Variants in IFI16 observed in about 807,000 individuals in gnomAD.
The protein encoded by IFI16 is interferon gamma inducible protein 16.
A neutral mutation model predicts 68.4 loss-of-function variants in IFI16; 49 were observed. The ratio of observed to expected loss-of-function variants is 0.72; its 90% confidence interval spans 0.57 to 0.91. The LOEUF is 0.91. IFI16 is among the 40% of genes least tolerant of loss of function. IFI16 has a pLI of 0.00. For synonymous variants in IFI16, 307 were observed against 315.0 expected (o/e 0.97, Z 0.27); for missense variants, 878 against 942.9 (o/e 0.93, Z 0.90).
chr1:159,044,658 A>G (rs1338799167), intron 7 of IFI16, among the ~76,000 whole-genome samples: 2 of 152,174 alleles, frequency 1.3e-5, no homozygotes, highest in African/African-American at 2.4e-5. Context: ...ATATTCCCCA[A>G]TTTTACTTGA....
At chr1:159,013,480 C>A (rs182672051) in intron 1 of IFI16, among the ~76,000 whole-genome samples, 46 of 152,010 alleles carry the variant, frequency 3.0e-4, no homozygotes, top group African/African-American at 1.1e-3. Context: ...ATTAATAGCC[C>A]CTGAAATTTA....
At chr1:159,027,222 G>A (rs1448030995) in intron 6 of IFI16, among the ~76,000 whole-genome samples, 1 of 152,016 alleles carries the variant, frequency 6.6e-6, no homozygotes, top group Non-Finnish European at 1.5e-5. Context: ...ATTGCTGAGG[G>A]TTTTAATCAT....
chr1:159,041,396 T>C (rs1654630782), intron 7 of IFI16, among the ~76,000 whole-genome samples: 1 of 152,144 alleles, frequency 6.6e-6, no homozygotes, highest in Non-Finnish European at 1.5e-5. Flanking sequence ...TAATCCTGAC[T>C]CTGGAACTGT....
intron 11 of IFI16, among the ~76,000 whole-genome samples, chr1:159,054,237 A>C (rs1655544200): frequency 6.6e-6 from 1 of 152,242 alleles, no homozygotes; most frequent in Non-Finnish European, 1.5e-5. Context: ...GGTTTACATC[A>C]GACAGAGGTA....
chr1:159,030,404 T>G (rs141031221), intron 6 of IFI16, among the ~76,000 whole-genome samples: 1 of 152,332 alleles, frequency 6.6e-6, no homozygotes, highest in Non-Finnish European at 1.5e-5. Context: ...GTTTTTCTTC[T>G]TCCTTCTCAT....
At chr1:159,036,538 T>G (rs181562175) in intron 7 of IFI16, among the ~76,000 whole-genome samples, 2 of 152,360 alleles carry the variant, frequency 1.3e-5, no homozygotes, top group East Asian at 3.9e-4. Flanking sequence ...GAGCATTTAA[T>G]GATCATATAC....
chr1:159,025,514 A>G (rs1424915178), intron 6 of IFI16, among the ~76,000 whole-genome samples: 1 of 151,958 alleles, frequency 6.6e-6, no homozygotes, highest in Admixed American at 6.6e-5. Context: ...ACTCATTTTA[A>G]TTTTTTATAT....
At chr1:159,016,090 C>T in intron 3 of IFI16, 103 bp downstream of exon 3, 5 of 729,612 alleles carry the variant, frequency 6.9e-6, no homozygotes, top group Non-Finnish European at 1.2e-5. Flanking sequence ...TTCATGTTTC[C>T]CATCAAGTTT....
At position 159,055,139 on chromosome 1, in the gene IFI16, C is replaced by CT. The variant is rs932825568; in HGVS notation, c.*244dup. On this transcript the variant is annotated 3_prime_UTR_variant, in exon 12 of 12. Coordinates refer to ENST00000295809, the MANE Select transcript of IFI16 (RefSeq NM_001376587.1). ...ATTTGAAAAAATAAATAAACATTAT[C>CT]TTTTTTGTGAAAGGAATGCTTCCCC... is the stretch of plus-strand genomic sequence containing the variant. 1 of 310,328 alleles carries CT rather than the reference C, an allele frequency of 3.2e-6. No homozygotes were observed. Among genetic ancestry groups the CT allele is most frequent in the Non-Finnish European group, 6.0e-6 (1 of 167,502 alleles). The allele number at this position is 310,328 out of a possible 1,614,324, so 19.2% of individuals were successfully genotyped here. A position where few individuals can be genotyped will look rare whatever the true frequency, so the allele number is the denominator to read the frequency against.
chr1:159,039,752 C>T (rs1298719593), intron 7 of IFI16, among the ~76,000 whole-genome samples: 1 of 152,186 alleles, frequency 6.6e-6, no homozygotes, highest in Non-Finnish European at 1.5e-5. Flanking sequence ...ATAAAGTCTT[C>T]TCAAGACTTG....
intron 6 of IFI16, among the ~76,000 whole-genome samples, chr1:159,027,720 C>G (rs963773480): frequency 2.0e-4 from 30 of 152,112 alleles, no homozygotes; most frequent in African/African-American, 6.8e-4. Context: ...CTTATTATCA[C>G]TCTGTTCAGA....
chr1:159,015,061 A>ACATTGTCT, intron 2 of IFI16, 116 bp downstream of exon 2: 3 of 971,190 alleles, frequency 3.1e-6, no homozygotes, highest in Non-Finnish European at 4.7e-6. Context: ...TTGTGACTCA[A>ACATTGTCT]CAGCTGAGAC....
chr1:159,054,412 G>A (rs980638551), intron 11 of IFI16, among the ~76,000 whole-genome samples: 8 of 152,276 alleles, frequency 5.3e-5, no homozygotes, highest in Middle Eastern at 3.4e-3. Flanking sequence ...CAGTTCTCAG[G>A]ACCAGCAGTC....
At chr1:159,046,267 T>G (rs1050969845) in intron 8 of IFI16, among the ~76,000 whole-genome samples, 18 of 151,182 alleles carry the variant, frequency 1.2e-4, no homozygotes, top group African/African-American at 4.1e-4. Context: ...TTAGGTCCTG[T>G]GCACCTTGTG....
rs560537580 is a variant in IFI16 at position 159,000,188 on chromosome 1, G to A, written c.-387G>A. ...AAGTTGGCTACTCGTGCTGTTTAGA[G>A]TATGCAGTTTGCCTGTGGCAATATT... On this transcript the variant is annotated 5_prime_UTR_variant, in exon 1 of 3. Transcript: ENST00000566111. The A allele has an allele frequency of 2.1e-4, 48 of 233,506 alleles. No homozygotes were observed. In the South Asian group the frequency reaches 4.2e-3, roughly 20 times the overall value. 14.5% of individuals were successfully genotyped at this position (233,506 alleles called of 1,614,324 possible).
At chr1:159,007,516 T>C (rs1288434699), upstream of IFI16, among the ~76,000 whole-genome samples, 1 of 152,224 alleles carries the variant, frequency 6.6e-6, no homozygotes, top group Non-Finnish European at 1.5e-5. Flanking sequence ...CAACACTAAC[T>C]AGGCGCCTAG....
chr1:159,020,922 A>G (rs576072323), intron 6 of IFI16, among the ~76,000 whole-genome samples: 27 of 152,256 alleles, frequency 1.8e-4, no homozygotes, highest in Admixed American at 1.6e-3. Context: ...TATTTAGTCC[A>G]TAAAAATACC....
chr1:159,051,937 C>T lies in IFI16; in HGVS notation c.1924C>T (p.Leu642=), dbSNP rs3737523. Residue 642 remains leucine (L), a synonymous_variant, in exon 10 of 12, where the codon CTG becomes TTG. Coordinates refer to ENST00000295809, the MANE Select transcript of IFI16 (RefSeq NM_001376587.1). ...IANYVCRNGF[L]EVYPFTLVAD... is the part of the protein sequence containing the mutation. ...AAATTATGTTTGCCGCAATGGGTTC[C>T]TGGAGGTATATCCTTTCACACTTGT... The T allele has an allele frequency of 0.015, 23,577 of 1,614,046 alleles. 218 individuals are homozygous for T. Among genetic ancestry groups the T allele is most frequent in the East Asian group, 0.024 (1,087 of 44,884 alleles).
upstream of IFI16, among the ~76,000 whole-genome samples, chr1:159,007,743 A>G (rs1016585993): frequency 6.6e-6 from 1 of 152,186 alleles, no homozygotes; most frequent in African/African-American, 2.4e-5. Flanking sequence ...AGGACCCTGC[A>G]TAAATATGGC....
Sources: gnomAD v4.1 joint callset for allele counts (sites outside exome capture counted in the v4.1 genomes callset) on GRCh38, gnomAD v4.1.1 for gene constraint, MANE v1.5 for transcripts, NCBI Gene and HGNC (gene_info 2026-07-23, HGNC 2026-07-21) for gene names.